The following ADRA1B variants were observed in gnomAD, a reference collection of about 807,000 sequenced individuals.
ADRA1B encodes alpha-1B adrenergic receptor.
In ADRA1B, 17 loss-of-function variants were observed where a neutral mutation model predicts 17.9. That is an observed-to-expected ratio of 0.95 (90% CI 0.65 to 1.42). The LOEUF (loss-of-function observed/expected upper bound fraction) is 1.42, where lower values mean the gene tolerates loss of function less well. Ranked by LOEUF, ADRA1B falls within the 40% of genes most tolerant of loss-of-function variation. The pLI, the probability that ADRA1B is intolerant of heterozygous loss-of-function variation, is 0.00. For synonymous variants in ADRA1B, 366 were observed against 327.6 expected (o/e 1.12, Z -1.27); for missense variants, 681 against 722.1 (o/e 0.94, Z 0.65).
intron 1 of ADRA1B, among the ~76,000 whole-genome samples, chr5:159,943,918 A>T (rs1279577357): frequency 1.1e-4 from 13 of 117,842 alleles, no homozygotes; most frequent in East Asian, 4.3e-4. Flanking sequence ...TCTCTCACAC[A>T]CACACACACA....
At chr5:159,918,124 G>A (rs1754381747) in intron 1 of ADRA1B, among the ~76,000 whole-genome samples, 3 of 152,156 alleles carry the variant, frequency 2.0e-5, no homozygotes, top group Admixed American at 2.0e-4. Flanking sequence ...TCACTCAACA[G>A]CCTCGGTTTA....
rs1231519561 is a variant in ADRA1B at position 159,945,736 on chromosome 5, G to GTT, written c.950-26137_950-26136dup. Among the ~76,000 whole-genome samples, 66 of 147,126 alleles carry GTT rather than the reference G, an allele frequency of 4.5e-4. 1 individual carries two copies. The highest frequency in any genetic ancestry group is 1.7e-3 in the South Asian group (8 of 4,578). ...AATAATGTAATCCGATTTCTGGTGG[G>GTT]TTTTTTTGTTTGTTTGTTTTTTTTT... On this transcript the variant is annotated intron_variant, in intron 1 of 1. Transcript: ENST00000306675.
intron 1 of ADRA1B, among the ~76,000 whole-genome samples, chr5:159,903,774 T>A (rs950369009): frequency 6.6e-5 from 10 of 152,104 alleles, no homozygotes; most frequent in African/African-American, 7.2e-5. Flanking sequence ...TCAAATCCCA[T>A]GTCTTAAGAG....
intron 1 of ADRA1B, among the ~76,000 whole-genome samples, chr5:159,867,326 C>T (rs1753670576): frequency 6.6e-6 from 1 of 152,142 alleles, no homozygotes; most frequent in African/African-American, 2.4e-5. Context: ...AGGCATAGTG[C>T]TTTCTCTATC....
In ADRA1B at chr5:159,899,263, A is replaced by G. The variant is rs13169842; in HGVS notation, c.-255-16856A>G. Among the ~76,000 whole-genome samples the G allele has an allele frequency of 3.3e-3, 356 of 106,380 alleles. 3 individuals are homozygous for G. Among genetic ancestry groups the G allele is most frequent in the Middle Eastern group, 0.021 (4 of 194 alleles). 69.8% of individuals were successfully genotyped at this position (106,380 alleles called of 152,430 possible). A position where few individuals can be genotyped will look rare whatever the true frequency, so the allele number is the denominator to read the frequency against. On this transcript the variant is annotated intron_variant, in intron 1 of 2. Coordinates refer to the ADRA1B transcript ENST00000641205. ...GGGAGGAAGGAAGGAAGGAAGGAAG[A>G]AAGGAAGGAAGGAAGGAAGGAAGGA...
chr5:159,914,104 T>C (rs559752229), upstream of ADRA1B, among the ~76,000 whole-genome samples: 3 of 152,312 alleles, frequency 2.0e-5, no homozygotes, highest in African/African-American at 7.2e-5. Context: ...AGCAGGTGCC[T>C]TCGGGGGCCA....
chr5:159,900,719 C>G (rs1203148605), intron 1 of ADRA1B, among the ~76,000 whole-genome samples: 1 of 152,198 alleles, frequency 6.6e-6, no homozygotes, highest in East Asian at 1.9e-4. Context: ...CCCCACTGAG[C>G]AAGCCCAGCT....
chr5:159,896,454 G>A (rs1295375736), intron 1 of ADRA1B, among the ~76,000 whole-genome samples: 2 of 152,154 alleles, frequency 1.3e-5, no homozygotes, highest in Non-Finnish European at 2.9e-5. Context: ...GAGACTGATG[G>A]CACAACTAAT....
At chr5:159,973,356 A>G (rs569652521), downstream of ADRA1B, among the ~76,000 whole-genome samples, 2 of 152,206 alleles carry the variant, frequency 1.3e-5, no homozygotes, top group African/African-American at 4.8e-5. Context: ...GCTGTGACCA[A>G]CACTGAGCAA....
intron 1 of ADRA1B, chr5:159,950,966 T>C (rs1755423150): frequency 2.2e-5 from 13 of 597,532 alleles, no homozygotes; most frequent in South Asian, 1.1e-4. Flanking sequence ...AGTGATGGCG[T>C]GGACTGTATT....
chr5:159,914,738 GAGA>G (rs771513292), upstream of ADRA1B, among the ~76,000 whole-genome samples: 6 of 152,190 alleles, frequency 3.9e-5, no homozygotes, highest in Non-Finnish European at 8.8e-5. Flanking sequence ...CCTCTAGGTT[GAGA>G]AGCTTAGATG....
chr5:159,907,864 A>T (rs1754177938), intron 1 of ADRA1B, among the ~76,000 whole-genome samples: 1 of 152,096 alleles, frequency 6.6e-6, no homozygotes, highest in Non-Finnish European at 1.5e-5. Context: ...TTGGTGTTTA[A>T]TAAGCTACTT....
At chr5:159,975,976 A>G (rs965802809), downstream of ADRA1B, among the ~76,000 whole-genome samples, 1 of 152,214 alleles carries the variant, frequency 6.6e-6, no homozygotes, top group Non-Finnish European at 1.5e-5. Flanking sequence ...GTGGAATACT[A>G]GTTAATTTTC....
chr5:159,903,384 C>T (rs1754124089), intron 1 of ADRA1B, among the ~76,000 whole-genome samples: 1 of 152,196 alleles, frequency 6.6e-6, no homozygotes. Flanking sequence ...TACTAAACTG[C>T]TTAGCATAGC....
intron 1 of ADRA1B, among the ~76,000 whole-genome samples, chr5:159,938,950 G>C (rs62377691): frequency 1.3e-5 from 2 of 152,298 alleles, no homozygotes; most frequent in South Asian, 2.1e-4. Flanking sequence ...AAAAGTCACA[G>C]TATGTGGCCA....
chr5:159,978,350 T>C, the ADRA1B span, among the ~76,000 whole-genome samples: 3 of 152,168 alleles, frequency 2.0e-5, no homozygotes, highest in South Asian at 6.2e-4. Flanking sequence ...GTCCTACCTC[T>C]AAATTGATGG....
chr5:159,971,524 A>T (rs1326434996), intron 1 of ADRA1B, among the ~76,000 whole-genome samples: 1 of 152,238 alleles, frequency 6.6e-6, no homozygotes, highest in Non-Finnish European at 1.5e-5. Context: ...CACCTAGCAC[A>T]GTGCCTGACC....
intron 1 of ADRA1B, among the ~76,000 whole-genome samples, chr5:159,971,506 C>G (rs1755864596): frequency 6.6e-6 from 1 of 152,156 alleles, no homozygotes; most frequent in Admixed American, 6.5e-5. Context: ...AAACTAATAT[C>G]GGGAAAGCAC....
At chr5:159,939,335 G>A (rs184400904) in intron 1 of ADRA1B, among the ~76,000 whole-genome samples, 2,444 of 116,540 alleles carry the variant, frequency 0.021, 67 homozygotes, top group African/African-American at 0.059. Context: ...GCGCGCGCGC[G>A]CACACAATGC....
Sources: gnomAD v4.1 joint callset for allele counts (sites outside exome capture counted in the v4.1 genomes callset) on GRCh38, gnomAD v4.1.1 for gene constraint, MANE v1.5 for transcripts, NCBI Gene and HGNC (gene_info 2026-07-23, HGNC 2026-07-21) for gene names.